EZH2: variants seen among roughly 807,000 people sequenced by gnomAD.
EZH2 encodes histone-lysine N-methyltransferase EZH2.
EZH2 carries 18 observed loss-of-function variants against 98.4 expected under a neutral mutation model. The observed-to-expected ratio is 0.18, with a 90% CI of 0.13 to 0.27. EZH2 has a LOEUF of 0.27. EZH2 is among the 10% of genes least tolerant of loss of function. EZH2 has a pLI of 1.00. For synonymous variants in EZH2, 338 were observed against 312.3 expected, an observed-to-expected ratio of 1.08 and a Z score of -0.87; for missense variants, 470 against 935.1, an observed-to-expected ratio of 0.50 and a Z score of 6.49.
At chr7:148,829,029 A>G (rs1039496487) in intron 5 of EZH2, 149 bp from the exon 6 acceptor site, 2 of 843,730 alleles carry the variant, frequency 2.4e-6, no homozygotes, top group African/African-American at 1.7e-5. Flanking sequence ...AGATAAGATC[A>G]TTTTCAGGAC....
intron 3 of EZH2, among the ~76,000 whole-genome samples, chr7:148,845,582 G>A (rs1342075029): frequency 2.0e-5 from 3 of 152,192 alleles, no homozygotes; most frequent in African/African-American, 2.4e-5. Flanking sequence ...ACAATCTCCA[G>A]AAGGCCTCAT....
At chr7:148,811,273 C>G (rs1007142779) in intron 16 of EZH2, among the ~76,000 whole-genome samples, 1 of 152,136 alleles carries the variant, frequency 6.6e-6, no homozygotes, top group African/African-American at 2.4e-5. Flanking sequence ...TGCCTCAGCT[C>G]CCAAGTAGCT....
In EZH2 at chr7:148,819,581, G is replaced by A; in HGVS notation, c.999+15C>T. 1.2e-6 allele frequency: 2 copies of A among 1,607,018 alleles called. No homozygotes were observed. Among genetic ancestry groups the A allele is most frequent in the Non-Finnish European group, 1.7e-6 (2 of 1,174,316 alleles). On this transcript the variant is annotated intron_variant, in intron 9 of 19. Coordinates refer to ENST00000320356, the MANE Select transcript of EZH2 (RefSeq NM_004456.5). ...TCTCAAGTACCCTCTGCAATAATTA[G>A]GCACTAAGTCTTACCAAATGCTGGT...
chr7:148,872,350 T>C (rs2129492457), intron 1 of EZH2, among the ~76,000 whole-genome samples: 1 of 152,226 alleles, frequency 6.6e-6, no homozygotes, highest in South Asian at 2.1e-4. Flanking sequence ...GAAGTGGGAA[T>C]TAGTGCTCAA....
chr7:148,851,022 G>A (rs1268659326), intron 1 of EZH2, among the ~76,000 whole-genome samples: 2 of 152,120 alleles, frequency 1.3e-5, no homozygotes, highest in African/African-American at 2.4e-5. Flanking sequence ...CTTAGAAGGT[G>A]AAATTGTAGA....
At chr7:148,841,650 G>T (rs984915451) in intron 3 of EZH2, among the ~76,000 whole-genome samples, 5 of 152,122 alleles carry the variant, frequency 3.3e-5, no homozygotes, top group Non-Finnish European at 5.9e-5. Flanking sequence ...TACACTCAAA[G>T]AATGTATCTG....
At position 148,807,514 on chromosome 7, in the gene EZH2, T is replaced by G. The variant is rs1187069920; in HGVS notation, c.*132A>C. 1.4e-6 allele frequency: 1 copy of G among 732,730 alleles called. No individual in the cohort carries two copies. The allele number at this position is 732,730 out of a possible 1,614,324, so 45.4% of individuals were successfully genotyped here. A position where few individuals can be genotyped will look rare whatever the true frequency, so the allele number is the denominator to read the frequency against. The stretch of plus-strand genomic sequence containing the variant: ...AAGTTGATTTTTAAACTCATTACTA[T>G]AAATTATTCTTACAGTACTTTGCAA... On this transcript the variant is annotated 3_prime_UTR_variant, in exon 20 of 20. Coordinates refer to ENST00000320356, the MANE Select transcript of EZH2 (RefSeq NM_004456.5).
At chr7:148,858,348 T>C (rs927073665) in intron 1 of EZH2, among the ~76,000 whole-genome samples, 1 of 152,012 alleles carries the variant, frequency 6.6e-6, no homozygotes, top group South Asian at 2.1e-4. Context: ...ATTTTTATTA[T>C]TATTTTGAGG....
intron 4 of EZH2, 60 bp from the exon 5 acceptor site, chr7:148,829,908 C>T (rs1808858604): frequency 4.6e-6 from 6 of 1,300,206 alleles, no homozygotes; most frequent in Non-Finnish European, 6.3e-6. Flanking sequence ...TGTGAAATAA[C>T]TAAAATACAA....
intron 1 of EZH2, among the ~76,000 whole-genome samples, chr7:148,854,272 T>C (rs1263646952): frequency 6.6e-6 from 1 of 151,990 alleles, no homozygotes; most frequent in Non-Finnish European, 1.5e-5. Context: ...CCGTCTCTAC[T>C]AAAAATACAA....
chr7:148,814,725 C>T (rs1158272969), intron 14 of EZH2, among the ~76,000 whole-genome samples, 189 bp downstream of exon 14: 1 of 152,166 alleles, frequency 6.6e-6, no homozygotes, highest in Non-Finnish European at 1.5e-5. Flanking sequence ...CACAGACACA[C>T]AACACCCAGG....
intron 1 of EZH2, among the ~76,000 whole-genome samples, chr7:148,860,896 T>C (rs1295337367): frequency 6.6e-6 from 1 of 151,722 alleles, no homozygotes; most frequent in Non-Finnish European, 1.5e-5. Context: ...TGGTCTTGAA[T>C]TCCTGGGCTC....
At chr7:148,842,748 A>T (rs1812787438) in intron 3 of EZH2, among the ~76,000 whole-genome samples, 1 of 152,158 alleles carries the variant, frequency 6.6e-6, no homozygotes, top group Non-Finnish European at 1.5e-5. Context: ...ACAAAAAAAA[A>T]AGAGTTGCCC....
chr7:148,873,360 C>CGT (rs887330065), intron 1 of EZH2, among the ~76,000 whole-genome samples: 10 of 151,796 alleles, frequency 6.6e-5, no homozygotes, highest in African/African-American at 2.4e-4. Context: ...GGCGTAGTGG[C>CGT]GTGTGCCTGT....
At chr7:148,883,325 G>T (rs1303843494) in intron 1 of EZH2, 2 of 152,326 alleles carry the variant, frequency 1.3e-5, no homozygotes, top group Non-Finnish European at 2.9e-5. Context: ...AATTCAACAG[G>T]ACGCCCTCCA....
intron 15 of EZH2, 62 bp downstream of exon 15, chr7:148,813,897 T>C: frequency 6.5e-7 from 1 of 1,527,790 alleles, no homozygotes; most frequent in Non-Finnish European, 8.9e-7. Context: ...AAGGCAATCC[T>C]GACATTTGCA....
At chr7:148,853,549 G>A (rs538506144) in intron 1 of EZH2, among the ~76,000 whole-genome samples, 1 of 152,324 alleles carries the variant, frequency 6.6e-6, no homozygotes, top group Non-Finnish European at 1.5e-5. Flanking sequence ...ACCTCCTGCT[G>A]TACAGCCCAG....
At chr7:148,828,163 T>C (rs1049422507) in intron 6 of EZH2, among the ~76,000 whole-genome samples, 6 of 152,120 alleles carry the variant, frequency 3.9e-5, no homozygotes, top group Admixed American at 3.3e-4. Context: ...CATGAAGCCA[T>C]TATGAGGATT....
chr7:148,819,159 T>TA (rs879469805), intron 9 of EZH2: 5,445 of 336,784 alleles, frequency 0.016, 3 homozygotes, highest in South Asian at 0.026. Flanking sequence ...CTCCATCATT[T>TA]AAAAAAAAAA....
Sources: allele counts gnomAD v4.1 joint callset (sites outside exome capture counted in the v4.1 genomes callset), GRCh38; gene constraint gnomAD v4.1.1; transcripts MANE v1.5; gene names NCBI Gene and HGNC (gene_info 2026-07-23, HGNC 2026-07-21).